Variants in CD1D observed in about 807,000 individuals in gnomAD.
The protein encoded by CD1D is CD1d molecule, also known as antigen-presenting glycoprotein CD1d.
Under a neutral mutation model 42.1 loss-of-function variants are expected in CD1D, and 40 were observed. That is an observed-to-expected ratio of 0.95 (90% CI 0.74 to 1.24). The LOEUF (loss-of-function observed/expected upper bound fraction) is 1.24, where lower values mean the gene tolerates loss of function less well. Among genes scored for constraint, CD1D ranks in the 50% most tolerant of loss-of-function variants. CD1D has a pLI of 0.00. For missense variants in CD1D, 437 were observed against 416.5 expected (o/e 1.05, Z -0.43); for synonymous variants, 178 against 171.8 (o/e 1.04, Z -0.28).
In CD1D at chr1:158,183,046, A is replaced by C; in HGVS notation, c.776A>C (p.Glu259Ala). 6.2e-7 allele frequency: 1 copy of C among 1,614,154 alleles called. No homozygotes were observed. Residue 259 changes from glutamate to alanine, a missense_variant, in exon 4 of 6, where the codon GAG (glutamate) becomes GCG (alanine). Transcript: ENST00000674085. ...QPGDILPNAD[E>A]TWYLRATLDV... is the part of the protein sequence containing the mutation. ...GGGGACATCCTGCCCAATGCTGACGAGACATGGTATCTCCGAGCAACCCTG... is the reference window on the plus strand; with the variant it reads ...GGGGACATCCTGCCCAATGCTGACGCGACATGGTATCTCCGAGCAACCCTG...
chr1:158,180,877 T>G (rs1254288680), upstream of CD1D: 1 of 432,610 alleles, frequency 2.3e-6, no homozygotes, highest in Non-Finnish European at 4.1e-6. Flanking sequence ...CCAGGATTCC[T>G]GGGACCCCGA....
chr1:158,182,544 C>G (rs1392955007), intron 3 of CD1D: 1 of 607,394 alleles, frequency 1.6e-6, no homozygotes, highest in East Asian at 2.8e-5. Flanking sequence ...AGTTAGGATC[C>G]CTGCTTGGTA....
At chr1:158,179,871 G>A (rs900556548), upstream of CD1D, 7 of 152,196 alleles carry the variant, frequency 4.6e-5, no homozygotes, top group African/African-American at 1.7e-4. Context: ...AAATGATGCT[G>A]GGGTGTGAGG....
At position 158,184,267 on chromosome 1, in the gene CD1D, T is replaced by A; in HGVS notation, c.*117T>A. 1 of 1,036,930 alleles carries A rather than the reference T, an allele frequency of 9.6e-7. No individual in the cohort carries two copies. Among genetic ancestry groups the A allele is most frequent in the African/African-American group, 1.6e-5 (1 of 62,718 alleles). The allele number at this position is 1,036,930 out of a possible 1,614,324, so 64.2% of individuals were successfully genotyped here. A position where few individuals can be genotyped will look rare whatever the true frequency, so the allele number is the denominator to read the frequency against. On this transcript the variant is annotated 3_prime_UTR_variant, in exon 6 of 6. Coordinates refer to ENST00000674085, the MANE Select transcript of CD1D (RefSeq NM_001371762.2). ...TGTAAGGAATTGAAGATAGGAGAGATACCTTGAAAAAGTAGAGAACAGTCA... is the reference window on the plus strand; with the variant it reads ...TGTAAGGAATTGAAGATAGGAGAGAAACCTTGAAAAAGTAGAGAACAGTCA...
At position 158,186,216 on chromosome 1, in the gene CD1D, C is replaced by T. The variant is rs1648697078; in HGVS notation, c.*2066C>T. 6.6e-6 allele frequency among the ~76,000 whole-genome samples: 1 copy of T among 152,142 alleles called. No homozygotes were observed. Among genetic ancestry groups the T allele is most frequent in the Non-Finnish European group, 1.5e-5 (1 of 68,032 alleles). On this transcript the variant is annotated 3_prime_UTR_variant, in exon 6 of 6. Transcript: ENST00000674085. ...TTGCTGTGTTTGGTACCACATTGCC[C>T]ACCCTCACGTGGCGCTCTTCAGCTT...
intron 3 of CD1D, chr1:158,182,518 A>G: frequency 1.6e-6 from 1 of 629,562 alleles, no homozygotes; most frequent in Non-Finnish European, 2.8e-6. Flanking sequence ...CTGGGGGTGA[A>G]AGGTGTCAGG....
At chr1:158,184,068 C>T in intron 5 of CD1D, 33 bp downstream of exon 5, 1 of 1,613,096 alleles carries the variant, frequency 6.2e-7, no homozygotes, top group Non-Finnish European at 8.5e-7. Flanking sequence ...CTCAACCTCT[C>T]TCCCCTTCAT....
At chr1:158,178,386 C>T (rs1648252944), upstream of CD1D, among the ~76,000 whole-genome samples, 1 of 152,082 alleles carries the variant, frequency 6.6e-6, no homozygotes, top group Non-Finnish European at 1.5e-5. Context: ...TAAAAGTTTC[C>T]CTGATGTGTC....
At position 158,182,108 on chromosome 1, in the gene CD1D, A is replaced by G. The variant is rs532493470; in HGVS notation, c.405A>G (p.Ala135=). 6.2e-7 allele frequency: 1 copy of G among 1,614,086 alleles called. No individual in the cohort carries two copies. Among genetic ancestry groups the G allele is most frequent in the African/African-American group, 1.3e-5 (1 of 75,010 alleles). Reference sequence around the variant, plus strand: ...CCTCAAATAACTTCTTCCATGTAGCATTTCAAGGAAAAGATATCCTGAGTT... The same window carrying G: ...CCTCAAATAACTTCTTCCATGTAGCGTTTCAAGGAAAAGATATCCTGAGTT... ...GNASNNFFHV[A]FQGKDILSFQ... is the part of the protein sequence containing the mutation. The change falls in exon 3 of 6, where the codon GCA becomes GCG. Residue 135 remains alanine (A), a synonymous_variant. Transcript: ENST00000674085.
upstream of CD1D, among the ~76,000 whole-genome samples, chr1:158,180,502 A>G (rs889149524): frequency 6.6e-6 from 1 of 152,188 alleles, no homozygotes; most frequent in African/African-American, 2.4e-5. Flanking sequence ...GTTGTAAAGA[A>G]TTGTAGCCAA....
In CD1D at chr1:158,181,589, C is replaced by A. The variant is rs139809600; in HGVS notation, c.196C>A (p.Arg66Ser). 1.2e-6 allele frequency: 2 copies of A among 1,614,138 alleles called. No individual in the cohort carries two copies. The highest frequency in any genetic ancestry group is 1.7e-6 in the Non-Finnish European group (2 of 1,180,038). Residue 66 changes from arginine to serine, a missense_variant, in exon 2 of 6, where the codon CGC (arginine) becomes AGC (serine). By Grantham distance (110) the Arg-to-Ser change is moderately radical (BLOSUM62 -1). Transcript: ENST00000674085. ...CTGGAGCAACGACTCGGACACCGTC[C>A]GCTCTCTGAAGCCTTGGTCCCAGGG... ...HSWSNDSDTV[R>S]SLKPWSQGTF...
In CD1D at chr1:158,181,542, TG is replaced by T; in HGVS notation, c.154del (p.Glu52SerfsTer17). On this transcript the variant is annotated frameshift_variant, in exon 2 of 6. Transcript: ENST00000674085. LOFTEE classifies it high-confidence loss of function. Reference sequence around the variant, plus strand: ...ACGCGCACCGACGGCTTGGCGTGGCTGGGGGAGCTGCAGACGCACAGCTGGA... The same window carrying T: ...ACGCGCACCGACGGCTTGGCGTGGCTGGGGAGCTGCAGACGCACAGCTGGA... ...SWTRTDGLAW[L>X]GELQTHSWSN... 3 of 1,614,062 alleles carry T rather than the reference TG, an allele frequency of 1.9e-6. No homozygotes were observed. Among genetic ancestry groups the T allele is most frequent in the Middle Eastern group, 1.6e-4 (1 of 6,062 alleles).
At chr1:158,183,305 C>T (rs992254705) in intron 4 of CD1D, 149 bp downstream of exon 4, 7 of 914,056 alleles carry the variant, frequency 7.7e-6, no homozygotes, top group Non-Finnish European at 1.1e-5. Context: ...AGAGGGGTTC[C>T]AGACACAGGA....
upstream of CD1D, chr1:158,180,121 A>C (rs1051875423): frequency 6.6e-6 from 1 of 152,280 alleles, no homozygotes; most frequent in Non-Finnish European, 1.5e-5. Flanking sequence ...GTCAGGCTGC[A>C]GCCCAGGTTC....
At chr1:158,181,822 T>C in intron 2 of CD1D, 101 bp downstream of exon 2, 1 of 1,472,694 alleles carries the variant, frequency 6.8e-7, no homozygotes, top group Non-Finnish European at 9.3e-7. Flanking sequence ...GATTCTCTGC[T>C]CTGTCCACCC....
chr1:158,182,802 A>G, intron 3 of CD1D, 76 bp from the exon 4 acceptor site: 1 of 1,483,400 alleles, frequency 6.7e-7, no homozygotes, highest in South Asian at 1.3e-5. Context: ...AAAGTCAAAA[A>G]GGATGATATG....
At chr1:158,178,682 A>C (rs1033470133), upstream of CD1D, among the ~76,000 whole-genome samples, 1 of 152,140 alleles carries the variant, frequency 6.6e-6, no homozygotes, top group African/African-American at 2.4e-5. Context: ...TTTCCATAAA[A>C]TAGTAAACTA....
intron 1 of CD1D, 124 bp from the exon 2 acceptor site, chr1:158,181,329 GCA>G: frequency 6.9e-7 from 1 of 1,453,670 alleles, no homozygotes; most frequent in Non-Finnish European, 9.4e-7. Flanking sequence ...AGGCAGCGCG[GCA>G]CAGAGTTCGC....
chr1:158,183,846 T>C, intron 4 of CD1D, 90 bp from the exon 5 acceptor site: 1 of 961,376 alleles, frequency 1.0e-6, no homozygotes, highest in South Asian at 1.4e-5. Context: ...AAGAAGCACC[T>C]GGTACCCTCA....
Sources: allele counts gnomAD v4.1 joint callset (sites outside exome capture counted in the v4.1 genomes callset), GRCh38; gene constraint gnomAD v4.1.1; transcripts MANE v1.5; gene names NCBI Gene and HGNC (gene_info 2026-07-23, HGNC 2026-07-21).